FAT3: variants seen among roughly 807,000 people sequenced by gnomAD.
FAT3 encodes the protein FAT atypical cadherin 3, also known as protocadherin Fat 3.
FAT3 carries 95 observed loss-of-function variants against 310.2 expected under a neutral mutation model. The observed-to-expected ratio is 0.31, with a 90% CI of 0.26 to 0.36. The LOEUF (loss-of-function observed/expected upper bound fraction) is 0.36. Ranked by LOEUF, FAT3 falls within the 10% of genes least tolerant of loss-of-function variation. The pLI is 1.00. For missense variants in FAT3, 5,408 were observed against 5,715.6 expected, an observed-to-expected ratio of 0.95 and a Z score of 1.74; for synonymous variants, 2,314 against 2,192.9, an observed-to-expected ratio of 1.06 and a Z score of -1.54.
intron 27 of FAT3, among the ~76,000 whole-genome samples, chr11:92,890,153 G>A (rs980763507): frequency 1.3e-5 from 2 of 152,196 alleles, no homozygotes; most frequent in African/African-American, 4.8e-5. Flanking sequence ...CTGCAAGCAT[G>A]TTGCCAGTCT....
At chr11:92,430,835 T>G (rs1233353616) in intron 2 of FAT3, among the ~76,000 whole-genome samples, 1 of 152,170 alleles carries the variant, frequency 6.6e-6, no homozygotes, top group East Asian at 1.9e-4. Context: ...ACAAGGGACA[T>G]GAACTCATCA....
At chr11:92,885,753 G>C (rs971491166) in intron 24 of FAT3, among the ~76,000 whole-genome samples, 3 of 152,286 alleles carry the variant, frequency 2.0e-5, no homozygotes, top group Admixed American at 2.0e-4. Flanking sequence ...CACCAGAGTG[G>C]ATTATTTGTC....
chr11:92,857,279 G>A lies in FAT3; in HGVS notation c.11431G>A (p.Val3811Ile). ...EKPCPGDMQCVSYEASRRPFL... is the reference protein window; with the variant it reads ...EKPCPGDMQCISYEASRRPFL... Reference sequence around the variant, plus strand: ...GCCGTGTCCAGGGGACATGCAGTGTGTCAGTTATGAAGCCAGCAGGAGACC... The same window carrying A: ...GCCGTGTCCAGGGGACATGCAGTGTATCAGTTATGAAGCCAGCAGGAGACC... Residue 3811 changes from valine to isoleucine, a missense_variant, in exon 20 of 28, where the codon GTC (valine) becomes ATC (isoleucine). By Grantham distance (29) the Val-to-Ile change is conservative. Coordinates refer to ENST00000525166, the MANE Select transcript of FAT3 (RefSeq NM_001367949.2). 6.2e-7 allele frequency: 1 copy of A among 1,613,992 alleles called. No homozygotes were observed. Among genetic ancestry groups the A allele is most frequent in the Non-Finnish European group, 8.5e-7 (1 of 1,179,886 alleles).
At chr11:92,312,342 A>T (rs1565218598) in intron 1 of FAT3, among the ~76,000 whole-genome samples, 1 of 152,180 alleles carries the variant, frequency 6.6e-6, no homozygotes, top group Non-Finnish European at 1.5e-5. Flanking sequence ...GCATTGCAAA[A>T]TCTTTTCTGC....
intron 3 of FAT3, among the ~76,000 whole-genome samples, chr11:92,655,773 T>C (rs192887651): frequency 4.6e-5 from 7 of 152,258 alleles, no homozygotes; most frequent in South Asian, 2.1e-4. Context: ...TTGCCGTCAA[T>C]GGACCAAACA....
chr11:92,403,558 A>G (rs780243796), intron 2 of FAT3, among the ~76,000 whole-genome samples: 21 of 152,252 alleles, frequency 1.4e-4, no homozygotes, highest in Non-Finnish European at 2.8e-4. Context: ...GATATAAAAG[A>G]GTTAGATTTG....
intron 2 of FAT3, among the ~76,000 whole-genome samples, chr11:92,510,764 A>T (rs974914574): frequency 6.6e-6 from 1 of 152,202 alleles, no homozygotes; most frequent in Non-Finnish European, 1.5e-5. Flanking sequence ...CCTTTGCCTT[A>T]ATCTTCCTTG....
chr11:92,730,814 T>C (rs1247275800), intron 4 of FAT3, among the ~76,000 whole-genome samples: 5 of 152,212 alleles, frequency 3.3e-5, no homozygotes, highest in Admixed American at 2.0e-4. Context: ...GACTATTCCA[T>C]TCAAATCTCA....
chr11:92,870,291 A>G (rs1453296981), intron 22 of FAT3, among the ~76,000 whole-genome samples: 2 of 152,134 alleles, frequency 1.3e-5, no homozygotes, highest in African/African-American at 4.8e-5. Context: ...GGAAGCCACA[A>G]TTACTAGCTT....
At chr11:92,539,640 A>G (rs989544637) in intron 3 of FAT3, among the ~76,000 whole-genome samples, 2 of 152,160 alleles carry the variant, frequency 1.3e-5, no homozygotes, top group Non-Finnish European at 2.9e-5. Context: ...CTGTGTGTAA[A>G]TGTGAATTTT....
intron 3 of FAT3, among the ~76,000 whole-genome samples, chr11:92,525,424 CT>C (rs1465663563): frequency 6.6e-6 from 1 of 152,196 alleles, no homozygotes. Flanking sequence ...TTTAAAAGAA[CT>C]TCCAGTGTCT....
chr11:92,291,941 CA>C (rs1225604017), intron 1 of FAT3, among the ~76,000 whole-genome samples: 2 of 151,908 alleles, frequency 1.3e-5, no homozygotes, highest in Non-Finnish European at 2.9e-5. Flanking sequence ...TTATTTTTTT[CA>C]AGGAAAAAAT....
At chr11:92,346,917 CCT>C (rs1215596168) in intron 1 of FAT3, among the ~76,000 whole-genome samples, 1 of 151,938 alleles carries the variant, frequency 6.6e-6, no homozygotes, top group Non-Finnish European at 1.5e-5. Flanking sequence ...AATTTTACTC[CCT>C]GTCTTGTGAT....
intron 3 of FAT3, among the ~76,000 whole-genome samples, chr11:92,593,684 G>T (rs954165852): frequency 6.6e-6 from 1 of 152,080 alleles, no homozygotes; most frequent in Non-Finnish European, 1.5e-5. Context: ...CACTGACCTT[G>T]TTGCAAAATA....
intron 21 of FAT3, 135 bp downstream of exon 21, chr11:92,859,457 C>A: frequency 1.1e-6 from 1 of 894,194 alleles, no homozygotes; most frequent in Non-Finnish European, 1.6e-6. Context: ...CAAAGGGGAG[C>A]AGCGGCAGAA....
chr11:92,562,277 A>C (rs1176093463), intron 3 of FAT3, among the ~76,000 whole-genome samples: 2 of 152,158 alleles, frequency 1.3e-5, no homozygotes, highest in African/African-American at 2.4e-5. Flanking sequence ...ACTTCCTACC[A>C]TATAGAATGG....
chr11:92,415,253 A>C (rs920032281), intron 2 of FAT3, among the ~76,000 whole-genome samples: 2 of 152,176 alleles, frequency 1.3e-5, no homozygotes, highest in African/African-American at 4.8e-5. Context: ...CCATTTCAGA[A>C]ATTAAAATGT....
intron 7 of FAT3, among the ~76,000 whole-genome samples, chr11:92,783,046 T>A (rs1260292049): frequency 6.6e-6 from 1 of 152,184 alleles, no homozygotes; most frequent in East Asian, 1.9e-4. Context: ...TTTTGTGTCA[T>A]CTGCCTCTTG....
intron 2 of FAT3, among the ~76,000 whole-genome samples, chr11:92,417,987 G>A (rs1950452735): frequency 6.6e-6 from 1 of 152,144 alleles, no homozygotes; most frequent in African/African-American, 2.4e-5. Flanking sequence ...GTTAATGGGG[G>A]TGGAGGGGTA....
Sources: allele counts gnomAD v4.1 joint callset (sites outside exome capture counted in the v4.1 genomes callset), GRCh38; gene constraint gnomAD v4.1.1; transcripts MANE v1.5; gene names NCBI Gene and HGNC (gene_info 2026-07-23, HGNC 2026-07-21).